SPEN: variants seen among roughly 807,000 people sequenced by gnomAD.
The protein encoded by SPEN is spen family transcriptional repressor.
In SPEN, 18 loss-of-function variants were observed where a neutral mutation model predicts 269.9. The ratio of observed to expected loss-of-function variants is 0.07; its 90% CI spans 0.05 to 0.10. SPEN has a LOEUF of 0.10. Ranked by LOEUF, SPEN falls within the 10% of genes least tolerant of loss-of-function variation. SPEN has a pLI of 1.00. For missense variants in SPEN, 3,822 were observed against 4,631.2 expected (o/e 0.83, Z 5.07); for synonymous variants, 1,726 against 1,765.7 (o/e 0.98, Z 0.56).
intron 3 of SPEN, among the ~76,000 whole-genome samples, chr1:15,895,938 C>A (rs2070837944): frequency 6.6e-6 from 1 of 151,990 alleles, no homozygotes; most frequent in Admixed American, 6.6e-5. Context: ...CCTGTCTCGG[C>A]CTCCCAAAGT....
chr1:15,875,881 T>G lies in SPEN; in HGVS notation c.405-321T>G, dbSNP rs2148711884. 2.0e-5 allele frequency among the ~76,000 whole-genome samples: 3 copies of G among 152,318 alleles called. No homozygotes were observed. In the East Asian group the frequency reaches 5.8e-4, roughly 29 times the overall value. On this transcript the variant is annotated intron_variant, in intron 2 of 14. Transcript: ENST00000375759. ...TTCATATTATTAAAATAGTCTCTTG[T>G]TCCGTTAACATGAAAAGGAGATTGT...
At chr1:15,859,006 T>G (rs753460036) in intron 1 of SPEN, among the ~76,000 whole-genome samples, 2 of 152,218 alleles carry the variant, frequency 1.3e-5, no homozygotes, top group Non-Finnish European at 2.9e-5. Flanking sequence ...TATGTGACAT[T>G]GGTGTATCAG....
intron 8 of SPEN, among the ~76,000 whole-genome samples, chr1:15,920,591 A>C (rs1412361774): frequency 2.0e-5 from 3 of 152,150 alleles, no homozygotes; most frequent in African/African-American, 7.2e-5. Flanking sequence ...GAAATACAAT[A>C]TAGTGGTCAG....
At position 15,933,656 on chromosome 1, in the gene SPEN, G is replaced by A; in HGVS notation, c.7416G>A (p.Leu2472=). Residue 2472 remains leucine (L), a synonymous_variant, in exon 11 of 15, where the codon CTG becomes CTA. Transcript: ENST00000375759. This position sits in a 1 kb window ranked among gnomAD's most constrained non-coding sequence, Gnocchi z 5.7. ...PSDPSIPIPT[L]PSVTAAKLSP... is the part of the protein sequence containing the mutation. ...ATCCAAGCATCCCCATACCCACACT[G>A]CCTTCTGTAACTGCAGCAAAGCTCT... 1 of 1,614,066 alleles carries A rather than the reference G, an allele frequency of 6.2e-7. No individual in the cohort carries two copies. The highest frequency in any genetic ancestry group is 8.5e-7 in the Non-Finnish European group (1 of 1,180,016).
chr1:15,861,593 A>G (rs997544991), intron 1 of SPEN, among the ~76,000 whole-genome samples: 5 of 152,302 alleles, frequency 3.3e-5, no homozygotes, highest in Admixed American at 2.6e-4. Flanking sequence ...AAATAACAGT[A>G]TTAGTAAGCA....
intron 10 of SPEN, among the ~76,000 whole-genome samples, chr1:15,926,384 T>TAC (rs34826146): frequency 0.19 from 28,069 of 145,620 alleles, 2,680 homozygotes; most frequent in South Asian, 0.25. Context: ...GATATATACA[T>TAC]ACACACACAC....
intron 1 of SPEN, among the ~76,000 whole-genome samples, chr1:15,863,530 A>G (rs1182772644): frequency 6.6e-6 from 1 of 152,150 alleles, no homozygotes; most frequent in Non-Finnish European, 1.5e-5. Flanking sequence ...TAGAACCAAT[A>G]AATAGTTTCT....
At position 15,931,149 on chromosome 1, in the gene SPEN, G is replaced by A. The variant is rs746087066; in HGVS notation, c.4909G>A (p.Val1637Ile). ...KDSELKTPPS[V>I]GPPSVTVVTL... ...TTCAGAACTGAAAACTCCACCTTCC[G>A]TTGGGCCTCCAAGTGTCACAGTCGT... The change falls in exon 11 of 15, where the codon GTT becomes ATT. Residue 1637 changes from valine to isoleucine, a missense_variant. Physicochemically the swap from Val to Ile is conservative, Grantham distance 29. Transcript: ENST00000375759. The surrounding 1 kb of genome is among the most constrained non-coding windows in gnomAD (Gnocchi z 4.8). The A allele has an allele frequency of 6.8e-6, 11 of 1,614,230 alleles. No individual in the cohort carries two copies. The highest frequency in any genetic ancestry group is 5.0e-5 in the Admixed American group (3 of 60,030).
intron 2 of SPEN, chr1:15,874,509 C>T (rs1357067065): frequency 2.6e-6 from 2 of 763,746 alleles, no homozygotes; most frequent in Admixed American, 7.7e-5. Context: ...CAGAGAATAG[C>T]CATTAGATTT....
rs2148698529 is a variant in SPEN, at chr1:15,848,422, T to C, written c.83+272T>C. Among the ~76,000 whole-genome samples, 1 of 151,538 alleles carries C rather than the reference T, an allele frequency of 6.6e-6. No individual in the cohort carries two copies. The highest frequency in any genetic ancestry group is 1.5e-5 in the Non-Finnish European group (1 of 67,798). The stretch of plus-strand genomic sequence containing the variant: ...CGAGGGAGGTGACCGAGGCTCGGCC[T>C]CCACGCAGCCGGCGCCCCGGGGCTG... On this transcript the variant is annotated intron_variant, in intron 1 of 14. Coordinates refer to ENST00000375759, the MANE Select transcript of SPEN (RefSeq NM_015001.3). This position sits in a 1 kb window ranked among gnomAD's most constrained non-coding sequence, Gnocchi z 5.1.
chr1:15,930,938 T>G lies in SPEN; in HGVS notation c.4698T>G (p.Ser1566=), dbSNP rs1205033957. The part of the protein sequence containing the change: ...ISGRIYGKQT[S]EGANSTTDSI... ...GTAGGATCTATGGGAAGCAGACATC[T>G]GAGGGAGCAAACAGCACAACTGATT... Residue 1566 remains serine, a synonymous_variant, in exon 11 of 15, where the codon TCT becomes TCG. Transcript: ENST00000375759. This position sits in a 1 kb window ranked among gnomAD's most constrained non-coding sequence, Gnocchi z 5.3. The G allele has an allele frequency of 6.2e-7, 1 of 1,614,018 alleles. No homozygotes were observed. Among genetic ancestry groups the G allele is most frequent in the African/African-American group, 1.3e-5 (1 of 74,932 alleles).
chr1:15,889,532 C>G (rs2070770116), intron 3 of SPEN, among the ~76,000 whole-genome samples: 1 of 152,110 alleles, frequency 6.6e-6, no homozygotes, highest in Non-Finnish European at 1.5e-5. Context: ...ACCCCTCTAT[C>G]AATCTGTGTC....
intron 3 of SPEN, among the ~76,000 whole-genome samples, chr1:15,878,455 T>G (rs114584854): frequency 1.5e-4 from 23 of 152,308 alleles, no homozygotes; most frequent in African/African-American, 5.5e-4. Flanking sequence ...TAGAAAGTCA[T>G]GAAAGTTACG....
At chr1:15,914,946 A>G (rs1342852269) in intron 5 of SPEN, among the ~76,000 whole-genome samples, 1 of 152,238 alleles carries the variant, frequency 6.6e-6, no homozygotes, top group East Asian at 1.9e-4. Context: ...TTACTCTTAT[A>G]TCTAAAATTT....
rs773688635 is a variant in SPEN at position 15,935,256 on chromosome 1, A to G, written c.9016A>G (p.Ser3006Gly). Residue 3006 changes from serine to glycine, a missense_variant, in exon 11 of 15, where the codon AGC (serine) becomes GGC (glycine). Transcript: ENST00000375759. This position sits in a 1 kb window ranked among gnomAD's most constrained non-coding sequence, Gnocchi z 7.7. Reference sequence around the variant, plus strand: ...AGTCAACCATGTCCCCTCGGGGCCCAGCATCCCAGCAGATCGAACTGTCTC... The same window carrying G: ...AGTCAACCATGTCCCCTCGGGGCCCGGCATCCCAGCAGATCGAACTGTCTC... ...TEVNHVPSGP[S>G]IPADRTVSHL... 1.6e-5 allele frequency: 26 copies of G among 1,614,046 alleles called. 1 individual carries two copies. The Admixed American group carries it at 4.2e-4, about 26-fold the overall frequency.
At chr1:15,918,560 T>C (rs1322950062) in intron 6 of SPEN, among the ~76,000 whole-genome samples, 1 of 152,256 alleles carries the variant, frequency 6.6e-6, no homozygotes, top group Non-Finnish European at 1.5e-5. Context: ...ATAACGATTT[T>C]AGATATTGCA....
At chr1:15,877,972 T>C (rs546375513) in intron 3 of SPEN, among the ~76,000 whole-genome samples, 23 of 152,200 alleles carry the variant, frequency 1.5e-4, no homozygotes, top group African/African-American at 5.5e-4. Context: ...CTCTAACTCC[T>C]GACCTCAGGT....
chr1:15,887,180 T>G (rs2070743732), intron 3 of SPEN, among the ~76,000 whole-genome samples: 1 of 152,062 alleles, frequency 6.6e-6, no homozygotes, highest in East Asian at 1.9e-4. Flanking sequence ...CTCACTGTGT[T>G]GTCCAGGCTG....
At chr1:15,872,591 C>T (rs2070591252) in intron 1 of SPEN, among the ~76,000 whole-genome samples, 1 of 140,672 alleles carries the variant, frequency 7.1e-6, no homozygotes, top group Admixed American at 7.3e-5. Context: ...CAGAGCGAGA[C>T]TCCATCTCAA....
Sources: gnomAD v4.1 joint callset for allele counts (sites outside exome capture counted in the v4.1 genomes callset) on GRCh38, gnomAD v4.1.1 for gene constraint, Gnocchi (gnomAD v3.1) non-coding constraint, MANE v1.5 for transcripts, NCBI Gene and HGNC (gene_info 2026-07-23, HGNC 2026-07-21) for gene names.